Variants in STARD9 observed in about 807,000 individuals in gnomAD.
STARD9 encodes stAR-related lipid transfer protein 9.
In STARD9, 346 loss-of-function variants were observed where a neutral mutation model predicts 399.8. The observed-to-expected ratio is 0.87, with a 90% CI of 0.79 to 0.95. The LOEUF is 0.95. Ranked by LOEUF, STARD9 falls within the 40% of genes least tolerant of loss-of-function variation. The pLI is 0.00. For missense variants in STARD9, 5,832 were observed against 5,667.5 expected (o/e 1.03, Z -0.93); for synonymous variants, 2,203 against 2,143.5 (o/e 1.03, Z -0.77).
At chr15:42,624,934 T>C (rs1351410580) in intron 3 of STARD9, among the ~76,000 whole-genome samples, 5 of 152,238 alleles carry the variant, frequency 3.3e-5, no homozygotes, top group African/African-American at 1.2e-4. Flanking sequence ...AATAAAGTTT[T>C]CTAATATAAT....
At chr15:42,583,481 G>T (rs991081049) in intron 2 of STARD9, 66 bp downstream of exon 2, 4 of 1,179,802 alleles carry the variant, frequency 3.4e-6, no homozygotes, top group East Asian at 2.5e-5. Context: ...GGGGCTTCCA[G>T]GCTGAAGGTG....
chr15:42,715,589 C>T (rs190083752), intron 26 of STARD9, among the ~76,000 whole-genome samples: 9 of 150,964 alleles, frequency 6.0e-5, no homozygotes, highest in East Asian at 1.9e-4. Flanking sequence ...GGCACAATCT[C>T]GGCTCACTGC....
rs2059521785 is a variant in STARD9 at position 42,640,847 on chromosome 15, T to G, written c.559+2035T>G. ...AAAAAAAAAAAAAAAAAAGTCTGTG[T>G]GTGTATGTGTGGGAGGAGTAACCAT... On this transcript the variant is annotated intron_variant, in intron 7 of 32. Coordinates refer to ENST00000290607, the MANE Select transcript of STARD9 (RefSeq NM_020759.3). 2.8e-5 allele frequency among the ~76,000 whole-genome samples: 4 copies of G among 144,044 alleles called. No individual in the cohort carries two copies. The South Asian group carries it at 6.6e-4, about 24-fold the overall frequency. The allele number at this position is 144,044 out of a possible 152,430, so 94.5% of individuals were successfully genotyped here. A position where few individuals can be genotyped will look rare whatever the true frequency, so the allele number is the denominator to read the frequency against.
At chr15:42,653,076 C>T (rs2059797059) in intron 9 of STARD9, among the ~76,000 whole-genome samples, 1 of 152,118 alleles carries the variant, frequency 6.6e-6, no homozygotes, top group African/African-American at 2.4e-5. Flanking sequence ...AAGCTATACA[C>T]CTAGAATGGG....
chr15:42,685,269 C>A lies in STARD9; in HGVS notation c.3691C>A (p.Pro1231Thr), dbSNP rs1041552681. ...EPFPGSADEI[P>T]TETFWHLEDS... is the part of the protein sequence containing the mutation. ...TTTCCCTGGTTCAGCTGACGAGATACCCACAGAGACTTTTTGGCACCTGGA... is the reference window on the plus strand; with the variant it reads ...TTTCCCTGGTTCAGCTGACGAGATAACCACAGAGACTTTTTGGCACCTGGA... The change falls in exon 23 of 33, where the codon CCC (proline) becomes ACC (threonine). Residue 1231 changes from proline to threonine, a missense_variant. By Grantham distance (38) the Pro-to-Thr change is conservative. This residue lies in a region of STARD9 where 5,828 missense variants were observed against 5,651.1 expected (regional missense o/e 1.03). Transcript: ENST00000290607. 1 of 1,537,510 alleles carries A rather than the reference C, an allele frequency of 6.5e-7. No homozygotes were observed. Among genetic ancestry groups the A allele is most frequent in the Admixed American group, 2.0e-5 (1 of 50,998 alleles).
rs1454597719 is a variant in STARD9, at chr15:42,637,893, C to T, written c.352-14C>T. ...TAAGTAAACAATAATGCTTTCCTTT[C>T]TTCTGTTCACCAGGCCTCTGTTGGG... On this transcript the variant is annotated splice_polypyrimidine_tract_variant and intron_variant, in intron 4 of 32. Coordinates refer to ENST00000290607, the MANE Select transcript of STARD9 (RefSeq NM_020759.3). The T allele has an allele frequency of 6.5e-7, 1 of 1,537,050 alleles. No individual in the cohort carries two copies. Among genetic ancestry groups the T allele is most frequent in the Non-Finnish European group, 8.7e-7 (1 of 1,146,858 alleles).
Position 42,687,811 on chromosome 15 carries a change from C to T in STARD9, c.6233C>T (p.Pro2078Leu). The change falls in exon 23 of 33, where the codon CCA (proline) becomes CTA (leucine). Residue 2078 changes from proline to leucine, a missense_variant. Pro to Leu is a moderately conservative substitution (Grantham distance 98). Around this residue, in one of 2 missense-constraint regions of STARD9, gnomAD observed 5,828 missense variants for 5,651.1 expected, o/e 1.03. Transcript: ENST00000290607. ...QNKQVHASHT[P>L]GTDKELVFQD... ...AAGCAGGTTCATGCTTCCCACACAC[C>T]AGGAACCGATAAGGAGTTGGTGTTC... 1 of 1,537,430 alleles carries T rather than the reference C, an allele frequency of 6.5e-7. No individual in the cohort carries two copies. The highest frequency in any genetic ancestry group is 1.4e-5 in the African/African-American group (1 of 73,158).
intron 3 of STARD9, among the ~76,000 whole-genome samples, chr15:42,597,989 T>TG: frequency 1.1e-5 from 1 of 87,612 alleles, no homozygotes; most frequent in East Asian, 3.8e-4. Flanking sequence ...TGTGTGTGTT[T>TG]GTATATATAT....
At chr15:42,636,484 G>A (rs915125943) in intron 4 of STARD9, among the ~76,000 whole-genome samples, 4 of 152,182 alleles carry the variant, frequency 2.6e-5, no homozygotes, top group Non-Finnish European at 5.9e-5. Context: ...GGGAGGCTGA[G>A]GCATGAGAAT....
chr15:42,661,325 A>T, intron 10 of STARD9, 100 bp downstream of exon 10: 1 of 860,392 alleles, frequency 1.2e-6, no homozygotes, highest in Non-Finnish European at 1.8e-6. Context: ...TCATCCTGAG[A>T]GTATTACAAA....
intron 3 of STARD9, among the ~76,000 whole-genome samples, chr15:42,609,804 G>A (rs1198411207): frequency 6.6e-6 from 1 of 151,912 alleles, no homozygotes; most frequent in Admixed American, 6.6e-5. Context: ...AAATGTATTT[G>A]AATAATGGCT....
chr15:42,712,392 A>T (rs964487531), intron 26 of STARD9, among the ~76,000 whole-genome samples: 1 of 151,366 alleles, frequency 6.6e-6, no homozygotes, highest in Non-Finnish European at 1.5e-5. Flanking sequence ...ACGAGTGCCT[A>T]ATCCAGGATC....
At chr15:42,673,743 A>T (rs1278898766) in intron 16 of STARD9, among the ~76,000 whole-genome samples, 2 of 152,172 alleles carry the variant, frequency 1.3e-5, no homozygotes, top group South Asian at 2.1e-4. Context: ...GCCTTTTCCT[A>T]ACATAGCTAT....
rs922143606 is a variant in STARD9 at position 42,693,695 on chromosome 15, G to A, written c.12117G>A (p.Pro4039=). 1.4e-5 allele frequency: 21 copies of A among 1,537,008 alleles called. No individual in the cohort carries two copies. In the East Asian group the frequency reaches 2.2e-4, roughly 16 times the overall value. The change falls in exon 23 of 33, where the codon CCG becomes CCA. Residue 4039 remains proline, a synonymous_variant. Transcript: ENST00000290607. ...NSFVPEKVAS[P]EHCPLSGREP... ...TTGTGCCTGAGAAGGTGGCTTCCCC[G>A]GAGCATTGCCCACTGAGCGGTAGGG...
intron 16 of STARD9, chr15:42,672,187 C>A (rs2060216103): frequency 6.6e-6 from 1 of 152,366 alleles, no homozygotes; most frequent in Non-Finnish European, 1.5e-5. Flanking sequence ...AAGTTGGTTA[C>A]AGACCTAGAA....
chr15:42,673,853 T>A, intron 16 of STARD9: 1 of 452,696 alleles, frequency 2.2e-6, no homozygotes, highest in Non-Finnish European at 4.4e-6. Context: ...CCCCCTCCTC[T>A]CTTACACTCT....
chr15:42,586,379 C>G (rs190352047), intron 3 of STARD9, among the ~76,000 whole-genome samples: 10 of 152,250 alleles, frequency 6.6e-5, no homozygotes, highest in Admixed American at 3.9e-4. Flanking sequence ...GTTGGTCACC[C>G]GTCATGTGTC....
chr15:42,636,441 C>T (rs2059419091), intron 4 of STARD9, among the ~76,000 whole-genome samples: 1 of 151,986 alleles, frequency 6.6e-6, no homozygotes, highest in African/African-American at 2.4e-5. Flanking sequence ...ATTAGCCAGA[C>T]ATGGTGGCGT....
chr15:42,626,674 AT>A (rs796664585), intron 3 of STARD9, among the ~76,000 whole-genome samples: 1,698 of 118,174 alleles, frequency 0.014, 7 homozygotes, highest in South Asian at 0.032. Context: ...CTAATTTTGT[AT>A]TTTTTTTTTT....
Sources: gnomAD v4.1 joint callset for allele counts (sites outside exome capture counted in the v4.1 genomes callset) on GRCh38, gnomAD v4.1.1 for gene constraint, gnomAD v4.1.1 regional missense constraint, MANE v1.5 for transcripts, NCBI Gene and HGNC (gene_info 2026-07-23, HGNC 2026-07-21) for gene names.